Variants in TMEM192 observed in about 807,000 individuals in gnomAD.
The protein encoded by TMEM192 is transmembrane protein 192.
Under a neutral mutation model 26.7 loss-of-function variants are expected in TMEM192, and 20 were observed. The observed-to-expected ratio is 0.75, with a 90% CI of 0.53 to 1.09. The LOEUF (loss-of-function observed/expected upper bound fraction) is 1.09, where lower values mean the gene tolerates loss of function less well. Ranked by LOEUF, TMEM192 falls within the 50% of genes least tolerant of loss-of-function variation. The probability of loss-of-function intolerance (pLI) is 0.00; values close to 1 mark genes in which losing one functional copy is unlikely to be tolerated. For missense variants in TMEM192, 304 were observed against 322.6 expected (o/e 0.94, Z 0.44); for synonymous variants, 124 against 121.0 (o/e 1.02, Z -0.16).
intron 1 of TMEM192, among the ~76,000 whole-genome samples, chr4:165,105,681 A>G (rs1449533531): frequency 6.6e-6 from 1 of 152,186 alleles, no homozygotes; most frequent in African/African-American, 2.4e-5. Flanking sequence ...AATAAAAATC[A>G]ACAGGGTCTC....
intron 1 of TMEM192, 105 bp downstream of exon 1, chr4:165,112,642 G>C: frequency 6.6e-7 from 1 of 1,509,236 alleles, no homozygotes. Context: ...GGCCGCGGCC[G>C]CAGTCGCCAA....
intron 1 of TMEM192, among the ~76,000 whole-genome samples, chr4:165,103,817 C>T (rs199557925): frequency 2.0e-5 from 3 of 152,090 alleles, no homozygotes; most frequent in Admixed American, 1.3e-4. Context: ...CCACCGTGCC[C>T]GGCACACATC....
chr4:165,079,921 G>A, intron 5 of TMEM192, 125 bp from the exon 6 acceptor site: 1 of 812,926 alleles, frequency 1.2e-6, no homozygotes, highest in Non-Finnish European at 1.8e-6. Flanking sequence ...TTAGATGTCA[G>A]AAGCCAGGGT....
intron 3 of TMEM192, among the ~76,000 whole-genome samples, chr4:165,098,164 A>T (rs2110777603): frequency 6.6e-6 from 1 of 150,616 alleles, no homozygotes; most frequent in East Asian, 2.0e-4. Flanking sequence ...CGCTCTTGTC[A>T]CCCAGGCTGC....
At chr4:165,104,115 C>T (rs1296515956) in intron 1 of TMEM192, among the ~76,000 whole-genome samples, 1 of 152,048 alleles carries the variant, frequency 6.6e-6, no homozygotes, top group Non-Finnish European at 1.5e-5. Context: ...AGAGAGACTT[C>T]GTCTCAAAAA....
At chr4:165,094,759 G>A (rs944725536) in intron 3 of TMEM192, among the ~76,000 whole-genome samples, 8 of 152,078 alleles carry the variant, frequency 5.3e-5, no homozygotes, top group African/African-American at 9.7e-5. Flanking sequence ...TGGATCAGTC[G>A]AGGTCGGGAG....
chr4:165,110,457 C>T (rs375034791), intron 1 of TMEM192, among the ~76,000 whole-genome samples: 4 of 152,182 alleles, frequency 2.6e-5, no homozygotes, highest in Admixed American at 1.3e-4. Flanking sequence ...CGGTGGCTCA[C>T]GCCTGTAATC....
intron 1 of TMEM192, among the ~76,000 whole-genome samples, chr4:165,108,429 T>C (rs370070199): frequency 2.6e-5 from 4 of 152,110 alleles, no homozygotes; most frequent in African/African-American, 9.7e-5. Flanking sequence ...CCATTTTCTG[T>C]AATCCTATAT....
chr4:165,109,227 CT>C (rs1436516374), intron 1 of TMEM192, among the ~76,000 whole-genome samples: 3 of 152,242 alleles, frequency 2.0e-5, no homozygotes, highest in South Asian at 2.1e-4. Context: ...GGCAGAGACT[CT>C]TTTATATTAT....
intron 1 of TMEM192, among the ~76,000 whole-genome samples, chr4:165,112,072 G>T (rs774949125): frequency 9.9e-5 from 15 of 152,122 alleles, no homozygotes; most frequent in Non-Finnish European, 1.0e-4. Flanking sequence ...TAGGCCACTG[G>T]TTTTTTGTTT....
rs774661901 is a variant in TMEM192, at chr4:165,085,608, T to C, written c.655A>G (p.Ile219Val). 1.2e-6 allele frequency: 2 copies of C among 1,611,390 alleles called. No homozygotes were observed. The highest frequency in any genetic ancestry group is 8.5e-7 in the Non-Finnish European group (1 of 1,179,050). ...TACCTGAATCCAGTCTCCGAGGTAA[T>C]ATTGCTGGGGTAAGCATAGATTTTT... The part of the protein sequence containing the change: ...EEKIYAYPSN[I>V]TSETGFRTIS... The change falls in exon 5 of 6, where the codon ATT becomes GTT. Residue 219 changes from isoleucine to valine, a missense_variant. By Grantham distance (29) the Ile-to-Val change is conservative. Transcript: ENST00000306480.
chr4:165,093,875 C>T (rs902279554), intron 3 of TMEM192, among the ~76,000 whole-genome samples: 9 of 152,144 alleles, frequency 5.9e-5, no homozygotes, highest in African/African-American at 1.9e-4. Context: ...GCCACGCCAC[C>T]ATGCCCAGCT....
chr4:165,077,285 T>G lies in TMEM192; in HGVS notation c.*2373A>C, dbSNP rs963734271. ...AGTTCATCCTATAAATCTCAGATAC[T>G]GACTATAGATCCAAATTAAATTTTA... On this transcript the variant is annotated 3_prime_UTR_variant, in exon 6 of 6. Transcript: ENST00000306480. The G allele has an allele frequency of 6.6e-6, 1 of 152,234 alleles. No homozygotes were observed. The highest frequency in any genetic ancestry group is 1.5e-5 in the Non-Finnish European group (1 of 68,038). The allele number at this position is 152,234 out of a possible 1,614,324, so 9.4% of individuals were successfully genotyped here. A position where few individuals can be genotyped will look rare whatever the true frequency, so the allele number is the denominator to read the frequency against.
intron 1 of TMEM192, among the ~76,000 whole-genome samples, chr4:165,109,672 G>T (rs1268862937): frequency 6.6e-6 from 1 of 152,154 alleles, no homozygotes; most frequent in African/African-American, 2.4e-5. Context: ...GCCAGACCTG[G>T]GACATTTAAA....
chr4:165,089,339 G>A (rs931957648), intron 3 of TMEM192, among the ~76,000 whole-genome samples: 10 of 151,486 alleles, frequency 6.6e-5, no homozygotes, highest in Admixed American at 6.6e-5. Flanking sequence ...TTTTTTTTTG[G>A]AGACGGAGTC....
At chr4:165,081,346 T>G (rs1275548224) in intron 5 of TMEM192, among the ~76,000 whole-genome samples, 1 of 151,598 alleles carries the variant, frequency 6.6e-6, no homozygotes, top group African/African-American at 2.4e-5. Context: ...TAGAGTCAAC[T>G]CTTGTATATA....
chr4:165,096,736 C>T (rs1243889509), intron 3 of TMEM192, among the ~76,000 whole-genome samples: 2 of 151,404 alleles, frequency 1.3e-5, no homozygotes, highest in Non-Finnish European at 2.9e-5. Context: ...GCCACATAAA[C>T]GTGATATCAC....
At chr4:165,102,823 G>T (rs1735068370) in intron 2 of TMEM192, 127 bp downstream of exon 2, 2 of 695,048 alleles carry the variant, frequency 2.9e-6, no homozygotes, top group African/African-American at 1.9e-5. Flanking sequence ...CAGCACTCAG[G>T]ATGTCCTAAG....
chr4:165,102,134 T>C (rs951432133), intron 2 of TMEM192, among the ~76,000 whole-genome samples: 2 of 152,206 alleles, frequency 1.3e-5, no homozygotes, highest in African/African-American at 4.8e-5. Flanking sequence ...TGTGTTTTTA[T>C]AAACTCCAGA....
Sources: gnomAD v4.1 joint callset for allele counts (sites outside exome capture counted in the v4.1 genomes callset) on GRCh38, gnomAD v4.1.1 for gene constraint, MANE v1.5 for transcripts, NCBI Gene and HGNC (gene_info 2026-07-23, HGNC 2026-07-21) for gene names.